TBX15: variants seen among roughly 807,000 people sequenced by gnomAD.
TBX15 encodes T-box transcription factor 15.
A neutral mutation model predicts 53.9 loss-of-function variants in TBX15; 18 were observed. That is an observed-to-expected ratio of 0.33 (90% CI 0.23 to 0.49). The LOEUF (loss-of-function observed/expected upper bound fraction) is 0.49, where lower values mean the gene tolerates loss of function less well. Ranked by LOEUF, TBX15 falls within the 20% of genes least tolerant of loss-of-function variation. The pLI, the probability that TBX15 is intolerant of heterozygous loss-of-function variation, is 0.98. For missense variants in TBX15, 692 were observed against 749.5 expected (o/e 0.92, Z 0.90); for synonymous variants, 295 against 278.0 (o/e 1.06, Z -0.61).
chr1:118,980,742 T>C (rs1229106357), intron 1 of TBX15, among the ~76,000 whole-genome samples: 1 of 152,192 alleles, frequency 6.6e-6, no homozygotes, highest in Non-Finnish European at 1.5e-5. Flanking sequence ...CAAAATTAAA[T>C]GCCAAATTTA....
intron 2 of TBX15, 41 bp downstream of exon 2, chr1:118,931,577 CA>C (rs1387103956): frequency 6.2e-7 from 1 of 1,608,002 alleles, no homozygotes; most frequent in African/African-American, 1.3e-5. Context: ...CCTACTTCTG[CA>C]AATTCTTTGA....
chr1:118,904,400 T>A (rs1050315403), intron 6 of TBX15, among the ~76,000 whole-genome samples: 4 of 152,172 alleles, frequency 2.6e-5, no homozygotes, highest in Non-Finnish European at 5.9e-5. Context: ...CTCAGGAATG[T>A]TATTGTCCAG....
At chr1:118,962,345 C>G (rs896338512) in intron 1 of TBX15, among the ~76,000 whole-genome samples, 2 of 152,100 alleles carry the variant, frequency 1.3e-5, no homozygotes, top group African/African-American at 4.8e-5. Context: ...CAAATCGTGC[C>G]TACATTTCCT....
chr1:118,931,871 T>G (rs1309256019), intron 1 of TBX15, 39 bp from the exon 2 acceptor site: 4 of 1,542,254 alleles, frequency 2.6e-6, no homozygotes, highest in African/African-American at 1.4e-5. Flanking sequence ...GAGAAACTGC[T>G]GAGCTCCCCT....
intron 6 of TBX15, among the ~76,000 whole-genome samples, chr1:118,901,978 C>T (rs376030999): frequency 1.3e-5 from 2 of 152,000 alleles, no homozygotes; most frequent in East Asian, 3.9e-4. Flanking sequence ...AGGGTTATGG[C>T]TCCCAAAAAA....
intron 1 of TBX15, among the ~76,000 whole-genome samples, chr1:118,959,906 T>G (rs1383023729): frequency 6.6e-6 from 1 of 152,034 alleles, no homozygotes; most frequent in Non-Finnish European, 1.5e-5. Flanking sequence ...AGAGGCATGT[T>G]TCACCTGCGG....
chr1:118,918,238 A>C (rs536674062), intron 5 of TBX15, among the ~76,000 whole-genome samples: 1 of 152,152 alleles, frequency 6.6e-6, no homozygotes, highest in African/African-American at 2.4e-5. Flanking sequence ...TTGTATTTAC[A>C]TGTTTACTAA....
At chr1:118,887,985 A>T (rs1370807116) in intron 7 of TBX15, among the ~76,000 whole-genome samples, 3 of 152,216 alleles carry the variant, frequency 2.0e-5, no homozygotes, top group Admixed American at 6.5e-5. Flanking sequence ...CCTTCAAGGA[A>T]GAATTGTATT....
At chr1:118,922,473 T>C (rs1655455556) in intron 5 of TBX15, among the ~76,000 whole-genome samples, 1 of 152,222 alleles carries the variant, frequency 6.6e-6, no homozygotes. Flanking sequence ...TTTATACACG[T>C]TTCCTTATTT....
intron 1 of TBX15, among the ~76,000 whole-genome samples, chr1:118,974,334 T>C (rs1419985984): frequency 6.6e-6 from 1 of 152,292 alleles, no homozygotes; most frequent in Middle Eastern, 3.4e-3. Context: ...TTTACATCTT[T>C]CTCTTTTTTG....
intron 7 of TBX15, among the ~76,000 whole-genome samples, chr1:118,891,991 A>G (rs1024066273): frequency 6.6e-6 from 1 of 152,202 alleles, no homozygotes; most frequent in African/African-American, 2.4e-5. Flanking sequence ...TAGGAATATT[A>G]AGATAAAGCT....
chr1:118,965,929 G>A (rs980579422), intron 1 of TBX15, among the ~76,000 whole-genome samples: 3 of 152,176 alleles, frequency 2.0e-5, no homozygotes, highest in Admixed American at 2.0e-4. Flanking sequence ...ATACATGTAT[G>A]TGGAATGATG....
At chr1:118,979,905 C>G (rs1657590582) in intron 1 of TBX15, among the ~76,000 whole-genome samples, 1 of 152,170 alleles carries the variant, frequency 6.6e-6, no homozygotes, top group African/African-American at 2.4e-5. Flanking sequence ...GGCTGGCACA[C>G]CGAGGCCTCG....
intron 1 of TBX15, among the ~76,000 whole-genome samples, chr1:118,965,216 G>T (rs2101687236): frequency 6.6e-6 from 1 of 152,294 alleles, no homozygotes; most frequent in South Asian, 2.1e-4. Context: ...GTAATAAATG[G>T]AGGAACAGGG....
intron 6 of TBX15, among the ~76,000 whole-genome samples, chr1:118,906,166 A>T (rs1417104834): frequency 6.6e-6 from 1 of 152,226 alleles, no homozygotes; most frequent in African/African-American, 2.4e-5. Flanking sequence ...CTAACAATAA[A>T]TATATGAGGT....
chr1:118,891,029 G>T (rs1327780954), intron 7 of TBX15: 2 of 1,011,792 alleles, frequency 2.0e-6, no homozygotes. Flanking sequence ...AATAAACCCA[G>T]AGATCGTAAA....
intron 2 of TBX15, among the ~76,000 whole-genome samples, chr1:118,930,730 T>C (rs1655754669): frequency 6.6e-6 from 1 of 152,260 alleles, no homozygotes; most frequent in Non-Finnish European, 1.5e-5. Flanking sequence ...TTTAATTTTA[T>C]CTAAATCGTT....
At position 118,987,826 on chromosome 1, in the gene TBX15, C is replaced by G. The variant is rs1219171472; in HGVS notation, c.-31G>C. On this transcript the variant is annotated 5_prime_UTR_variant, in exon 1 of 8. Transcript: ENST00000369429. Reference sequence around the variant, plus strand: ...CCGCCCACACCCCTGCCTCCGCTTGCCCCCGCTACCGAGGGAGCAGCCGGC... The same window carrying G: ...CCGCCCACACCCCTGCCTCCGCTTGGCCCCGCTACCGAGGGAGCAGCCGGC... 7.1e-6 allele frequency: 11 copies of G among 1,545,440 alleles called. No individual in the cohort carries two copies. Among genetic ancestry groups the G allele is most frequent in the Non-Finnish European group, 8.7e-6 (10 of 1,144,824 alleles).
chr1:118,922,371 T>G (rs1421233941), intron 5 of TBX15, among the ~76,000 whole-genome samples: 1 of 152,192 alleles, frequency 6.6e-6, no homozygotes, highest in Non-Finnish European at 1.5e-5. Context: ...TAAAATTGCT[T>G]CTATGCCCCG....
Sources: gnomAD v4.1 joint callset for allele counts (sites outside exome capture counted in the v4.1 genomes callset) on GRCh38, gnomAD v4.1.1 for gene constraint, MANE v1.5 for transcripts, NCBI Gene and HGNC (gene_info 2026-07-23, HGNC 2026-07-21) for gene names.